Variants in PPM1E observed in about 807,000 individuals in gnomAD.
The protein encoded by PPM1E is protein phosphatase 1E.
Under a neutral mutation model 65.9 loss-of-function variants are expected in PPM1E, and 20 were observed. That is an observed-to-expected ratio of 0.30 (90% CI 0.21 to 0.44). The LOEUF is 0.44. Ranked by LOEUF, PPM1E falls within the 20% of genes least tolerant of loss-of-function variation. PPM1E has a pLI of 1.00. For missense variants in PPM1E, 713 were observed against 953.1 expected (o/e 0.75, Z 3.32); for synonymous variants, 352 against 374.9 (o/e 0.94, Z 0.70).
chr17:58,900,395 C>T (rs1053728499), intron 1 of PPM1E, among the ~76,000 whole-genome samples: 5 of 152,318 alleles, frequency 3.3e-5, no homozygotes, highest in Admixed American at 3.3e-4. Context: ...CAGCCATCAA[C>T]GTGGAAGCAA....
chr17:58,910,634 G>A (rs891012224), intron 1 of PPM1E, among the ~76,000 whole-genome samples: 1 of 152,172 alleles, frequency 6.6e-6, no homozygotes, highest in Non-Finnish European at 1.5e-5. Flanking sequence ...AAGGTATGTA[G>A]TTAGGGGAAA....
chr17:58,872,392 T>G (rs2051080926), intron 1 of PPM1E, among the ~76,000 whole-genome samples: 1 of 152,196 alleles, frequency 6.6e-6, no homozygotes, highest in Admixed American at 6.6e-5. Context: ...CCTTACTAGA[T>G]ATTTCCATTA....
intron 1 of PPM1E, among the ~76,000 whole-genome samples, chr17:58,950,450 C>T (rs1233379115): frequency 6.6e-6 from 1 of 152,170 alleles, no homozygotes; most frequent in Non-Finnish European, 1.5e-5. Context: ...CTTCCTGGAT[C>T]TGAATATCTG....
At chr17:58,913,715 T>G (rs887660537) in intron 1 of PPM1E, among the ~76,000 whole-genome samples, 3 of 152,178 alleles carry the variant, frequency 2.0e-5, no homozygotes, top group African/African-American at 4.8e-5. Context: ...TGTCTTCACT[T>G]CCTGGGTAGG....
At position 58,972,349 on chromosome 17, in the gene PPM1E, CACTT is replaced by C. The variant is rs2030686911; in HGVS notation, c.1116+79_1116+82del. ...GATTTTCTAGTTATTGATTAGGATT[CACTT>C]ACTTTTTTTTTTTTTGAGATGGAGT... On this transcript the variant is annotated intron_variant, in intron 5 of 6. Transcript: ENST00000308249. 1.9e-5 allele frequency: 28 copies of C among 1,453,548 alleles called. No individual in the cohort carries two copies. The South Asian group carries it at 2.5e-4, about 13-fold the overall frequency. The allele number at this position is 1,453,548 out of a possible 1,614,324, so 90.0% of individuals were successfully genotyped here.
intron 1 of PPM1E, among the ~76,000 whole-genome samples, chr17:58,955,023 C>T (rs1337632999): frequency 6.6e-6 from 1 of 152,178 alleles, no homozygotes; most frequent in African/African-American, 2.4e-5. Context: ...TAAGTTCATA[C>T]CCCTCTTTAT....
intron 1 of PPM1E, among the ~76,000 whole-genome samples, chr17:58,927,948 T>G (rs1438229670): frequency 6.6e-6 from 1 of 151,646 alleles, no homozygotes; most frequent in Non-Finnish European, 1.5e-5. Context: ...TAGTCCCAGC[T>G]ACTCAGGAGG....
chr17:58,964,498 C>A (rs572931006), intron 2 of PPM1E, among the ~76,000 whole-genome samples: 18 of 151,142 alleles, frequency 1.2e-4, no homozygotes, highest in African/African-American at 4.1e-4. Flanking sequence ...ATAGGTGAAG[C>A]GGTAGACATA....
chr17:58,958,936 GCATAA>G (rs1334287635), intron 2 of PPM1E, among the ~76,000 whole-genome samples: 6 of 151,968 alleles, frequency 3.9e-5, no homozygotes, highest in Admixed American at 2.6e-4. Context: ...AGGAAAATTT[GCATAA>G]CATAACACTG....
intron 1 of PPM1E, among the ~76,000 whole-genome samples, chr17:58,809,982 A>G (rs1303656514): frequency 1.3e-5 from 2 of 152,210 alleles, no homozygotes; most frequent in Admixed American, 6.5e-5. Flanking sequence ...GATATTAAAA[A>G]TATTATTTTA....
chr17:58,950,199 TA>T (rs918336004), intron 1 of PPM1E, among the ~76,000 whole-genome samples: 1 of 152,020 alleles, frequency 6.6e-6, no homozygotes, highest in Non-Finnish European at 1.5e-5. Context: ...CTGTCTCTAC[TA>T]AAAATACAAA....
At chr17:58,827,922 A>G (rs1257555669) in intron 1 of PPM1E, among the ~76,000 whole-genome samples, 1 of 149,460 alleles carries the variant, frequency 6.7e-6, no homozygotes, top group Non-Finnish European at 1.5e-5. Flanking sequence ...AATAATAATA[A>G]TAATAATAAT....
chr17:58,959,443 C>T (rs899560613), intron 2 of PPM1E, among the ~76,000 whole-genome samples: 3 of 148,524 alleles, frequency 2.0e-5, no homozygotes, highest in African/African-American at 7.5e-5. Context: ...ACTAAAAATA[C>T]AAAAAATTAG....
At chr17:58,972,079 A>G in intron 4 of PPM1E, 53 bp from the exon 5 acceptor site, 2 of 1,539,352 alleles carry the variant, frequency 1.3e-6, no homozygotes, top group Admixed American at 3.7e-5. Context: ...CTCAATAAGA[A>G]TGTAGTATCT....
chr17:58,944,838 G>T (rs143157978), intron 1 of PPM1E, among the ~76,000 whole-genome samples: 1,732 of 152,224 alleles, frequency 0.011, 14 homozygotes, highest in Middle Eastern at 0.041. Flanking sequence ...TATTTCTCAT[G>T]CATGTATACC....
At chr17:58,877,408 C>T (rs990383844) in intron 1 of PPM1E, among the ~76,000 whole-genome samples, 1 of 152,134 alleles carries the variant, frequency 6.6e-6, no homozygotes, top group South Asian at 2.1e-4. Flanking sequence ...ATCAGTTCCC[C>T]GCCAATGAGA....
chr17:58,765,319 A>T, intron 1 of PPM1E, among the ~76,000 whole-genome samples: 1 of 151,778 alleles, frequency 6.6e-6, no homozygotes. Context: ...CTGGGATTAC[A>T]GGCACGCATC....
chr17:58,885,757 T>C (rs1388623519), intron 1 of PPM1E, among the ~76,000 whole-genome samples: 1 of 152,186 alleles, frequency 6.6e-6, no homozygotes, highest in Non-Finnish European at 1.5e-5. Context: ...CTACGTCTAC[T>C]CTATTTTGCC....
chr17:58,790,654 T>C (rs1028201664), intron 1 of PPM1E, among the ~76,000 whole-genome samples: 4 of 152,164 alleles, frequency 2.6e-5, no homozygotes, highest in Admixed American at 6.5e-5. Context: ...CCAGTCACTC[T>C]GTTGCAAGAA....
Sources: gnomAD v4.1 joint callset for allele counts (sites outside exome capture counted in the v4.1 genomes callset) on GRCh38, gnomAD v4.1.1 for gene constraint, MANE v1.5 for transcripts, NCBI Gene and HGNC (gene_info 2026-07-23, HGNC 2026-07-21) for gene names.